The following XPO7 variants were observed in gnomAD, a reference collection of about 807,000 sequenced individuals.
XPO7 encodes the protein exportin-7.
XPO7 carries 21 observed loss-of-function variants against 144.3 expected under a neutral mutation model. The observed-to-expected ratio is 0.15, with a 90% CI of 0.10 to 0.21. The LOEUF is 0.21. Ranked by LOEUF, XPO7 falls within the 10% of genes least tolerant of loss-of-function variation. XPO7 has a pLI of 1.00. For synonymous variants in XPO7, 580 were observed against 499.6 expected (o/e 1.16, Z -2.15); for missense variants, 808 against 1,325.8 (o/e 0.61, Z 6.06).
intron 1 of XPO7, among the ~76,000 whole-genome samples, chr8:21,920,712 G>T (rs900983458): frequency 7.9e-5 from 12 of 152,186 alleles, no homozygotes; most frequent in Admixed American, 4.6e-4. Flanking sequence ...TTTCCTGTCT[G>T]TGCCAGAGAT....
Position 21,954,497 on chromosome 8 carries a change from G to T in XPO7, c.19-12360G>T, listed in dbSNP as rs578088380. On this transcript the variant is annotated intron_variant, in intron 1 of 27. Transcript: ENST00000252512. ...AAAAATTCAAAAATTAGCCAGGTGTGGTGGCACAGACCTGTAATCCCAGCT... is the reference window on the plus strand; with the variant it reads ...AAAAATTCAAAAATTAGCCAGGTGTTGTGGCACAGACCTGTAATCCCAGCT... Among the ~76,000 whole-genome samples, 7 of 152,202 alleles carry T rather than the reference G, an allele frequency of 4.6e-5. No individual in the cohort carries two copies. In the South Asian group the frequency reaches 6.2e-4, roughly 14 times the overall value.
In XPO7 at chr8:22,005,136, C is replaced by A; in HGVS notation, c.*48C>A. On this transcript the variant is annotated 3_prime_UTR_variant, in exon 28 of 28. Coordinates refer to ENST00000252512, the MANE Select transcript of XPO7 (RefSeq NM_015024.5). Reference sequence around the variant, plus strand: ...ACAGAGCAGCGTCCCTTTGGTTTGGCCCAGAGGGGCGAACAATTGCAAGGG... The same window carrying A: ...ACAGAGCAGCGTCCCTTTGGTTTGGACCAGAGGGGCGAACAATTGCAAGGG... The A allele has an allele frequency of 6.7e-7, 1 of 1,488,866 alleles. No homozygotes were observed. Among genetic ancestry groups the A allele is most frequent in the Non-Finnish European group, 9.2e-7 (1 of 1,086,362 alleles). 92.2% of individuals were successfully genotyped at this position (1,488,866 alleles called of 1,614,324 possible).
intron 9 of XPO7, 125 bp downstream of exon 9, chr8:21,980,328 G>GA: frequency 8.2e-7 from 1 of 1,213,168 alleles, no homozygotes; most frequent in Non-Finnish European, 1.1e-6. Flanking sequence ...AGACTGAAGT[G>GA]AATCTCTATT....
At chr8:21,951,660 G>C (rs1471494740) in intron 1 of XPO7, among the ~76,000 whole-genome samples, 1 of 152,160 alleles carries the variant, frequency 6.6e-6, no homozygotes, top group Non-Finnish European at 1.5e-5. Context: ...TATTAATGCA[G>C]CTTATCAGCA....
chr8:21,923,926 TGA>T (rs1810375330), intron 1 of XPO7, among the ~76,000 whole-genome samples: 2 of 152,356 alleles, frequency 1.3e-5, no homozygotes, highest in Middle Eastern at 3.4e-3. Flanking sequence ...GATAGTGTTT[TGA>T]AACTGCATCT....
chr8:21,997,764 A>G (rs1813000215), intron 21 of XPO7, among the ~76,000 whole-genome samples: 1 of 152,162 alleles, frequency 6.6e-6, no homozygotes, highest in African/African-American at 2.4e-5. Flanking sequence ...AAGGCAGGTA[A>G]GAGTAGAAGC....
rs191647860 is a variant in XPO7 at position 21,972,121 on chromosome 8, C to A, written c.492+180C>A. ...TCCTCTGTAATTGCAACTCACCTCACTTTTTGTCCTGTTCCCTTTCTGTCT... is the reference window on the plus strand; with the variant it reads ...TCCTCTGTAATTGCAACTCACCTCAATTTTTGTCCTGTTCCCTTTCTGTCT... On this transcript the variant is annotated intron_variant, in intron 5 of 27. Coordinates refer to ENST00000252512, the MANE Select transcript of XPO7 (RefSeq NM_015024.5). Among the ~76,000 whole-genome samples the A allele has an allele frequency of 2.3e-3, 348 of 151,380 alleles. 2 individuals are homozygous for A. The highest frequency in any genetic ancestry group is 3.3e-3 in the Non-Finnish European group (227 of 67,908).
chr8:21,995,408 T>A, intron 20 of XPO7, 84 bp from the exon 21 acceptor site: 3 of 1,194,684 alleles, frequency 2.5e-6, no homozygotes, highest in Non-Finnish European at 3.6e-6. Context: ...TTTGACAAGT[T>A]TTTGCTTGGC....
rs190171463 is a variant in XPO7, at chr8:21,973,485, T to C, written c.493-1185T>C. ...AATGACAGAAGCAAGAATTGGAGAATATTTTGAGCCTCTAAATAATTTGAA... is the reference window on the plus strand; with the variant it reads ...AATGACAGAAGCAAGAATTGGAGAACATTTTGAGCCTCTAAATAATTTGAA... On this transcript the variant is annotated intron_variant, in intron 5 of 27. Coordinates refer to ENST00000252512, the MANE Select transcript of XPO7 (RefSeq NM_015024.5). Among the ~76,000 whole-genome samples, 285 of 152,312 alleles carry C rather than the reference T, an allele frequency of 1.9e-3. 1 individual carries two copies. The highest frequency in any genetic ancestry group is 6.8e-3 in the Middle Eastern group (2 of 294).
chr8:21,957,472 G>A (rs1811574072), intron 1 of XPO7, among the ~76,000 whole-genome samples: 1 of 152,086 alleles, frequency 6.6e-6, no homozygotes. Flanking sequence ...GTTCATTTAA[G>A]TCAGTTACCA....
At chr8:21,926,745 T>C (rs552020736) in intron 1 of XPO7, among the ~76,000 whole-genome samples, 1 of 152,292 alleles carries the variant, frequency 6.6e-6, no homozygotes, top group South Asian at 2.1e-4. Context: ...CATCTGTTGA[T>C]GTATTGATAA....
chr8:21,922,234 T>C (rs1363638121), intron 1 of XPO7, among the ~76,000 whole-genome samples: 2 of 152,192 alleles, frequency 1.3e-5, no homozygotes, highest in African/African-American at 4.8e-5. Context: ...GATTCTCGGG[T>C]TCTCTCAGGC....
rs763426264 is a variant in XPO7 at position 21,991,859 on chromosome 8, C to G, written c.2042-9C>G. ...ATTGGGGTTACACCCTGGGATGTTT[C>G]CTTTACAGGAGAGGATGAAGATCAG... On this transcript the variant is annotated splice_polypyrimidine_tract_variant and intron_variant, in intron 18 of 27. Transcript: ENST00000252512. 65 of 1,605,384 alleles carry G rather than the reference C, an allele frequency of 4.0e-5. No individual in the cohort carries two copies. Among genetic ancestry groups the G allele is most frequent in the Non-Finnish European group, 5.4e-5 (63 of 1,176,234 alleles).
chr8:21,943,877 C>G (rs1386850779), intron 1 of XPO7, among the ~76,000 whole-genome samples: 1 of 151,876 alleles, frequency 6.6e-6, no homozygotes, highest in Non-Finnish European at 1.5e-5. Context: ...AAAGTTGTGC[C>G]GGAGAGAGTA....
intron 1 of XPO7, among the ~76,000 whole-genome samples, chr8:21,942,257 C>G (rs916118953): frequency 6.6e-6 from 1 of 152,118 alleles, no homozygotes; most frequent in Non-Finnish European, 1.5e-5. Flanking sequence ...GTCTTAGGGT[C>G]TTTTTACACT....
chr8:21,998,928 C>A (rs1364492436), intron 22 of XPO7, 91 bp downstream of exon 22: 5 of 1,504,422 alleles, frequency 3.3e-6, no homozygotes, highest in Non-Finnish European at 3.7e-6. Context: ...CCAGTCCTGG[C>A]AGGAGCCAGG....
intron 1 of XPO7, among the ~76,000 whole-genome samples, chr8:21,937,055 G>A (rs1810843457): frequency 6.6e-6 from 1 of 152,112 alleles, no homozygotes; most frequent in South Asian, 2.1e-4. Flanking sequence ...TAATCTGTTA[G>A]TTCCAAAATT....
At chr8:21,987,355 T>C in intron 14 of XPO7, 79 bp downstream of exon 14, 3 of 1,578,202 alleles carry the variant, frequency 1.9e-6, no homozygotes, top group Non-Finnish European at 2.6e-6. Context: ...CAGTTGCTGA[T>C]AGTTCACATA....
At chr8:21,972,549 C>A (rs1030840102) in intron 5 of XPO7, among the ~76,000 whole-genome samples, 1 of 152,192 alleles carries the variant, frequency 6.6e-6, no homozygotes, top group African/African-American at 2.4e-5. Context: ...AAAGGTCGAC[C>A]TTTTGTGTGC....
Sources: gnomAD v4.1 joint callset for allele counts (sites outside exome capture counted in the v4.1 genomes callset) on GRCh38, gnomAD v4.1.1 for gene constraint, MANE v1.5 for transcripts, NCBI Gene and HGNC (gene_info 2026-07-23, HGNC 2026-07-21) for gene names.